Variants in MGAT5 observed in about 807,000 individuals in gnomAD.
The protein encoded by MGAT5 is alpha-1,6-mannosylglycoprotein 6-beta-N-acetylglucosaminyltransferase.
A neutral mutation model predicts 94.3 loss-of-function variants in MGAT5; 30 were observed. The ratio of observed to expected loss-of-function variants is 0.32; its 90% CI spans 0.24 to 0.43. The LOEUF is 0.43. Ranked by LOEUF, MGAT5 falls within the 20% of genes least tolerant of loss-of-function variation. The pLI, the probability that MGAT5 is intolerant of heterozygous loss-of-function variation, is 1.00. For synonymous variants in MGAT5, 310 were observed against 322.9 expected (o/e 0.96, Z 0.43); for missense variants, 691 against 905.5 (o/e 0.76, Z 3.04).
chr2:134,179,224 A>T (rs1170905722), intron 1 of MGAT5, among the ~76,000 whole-genome samples: 2 of 147,952 alleles, frequency 1.4e-5, no homozygotes, highest in African/African-American at 2.4e-5. Flanking sequence ...GCCCCCAAGC[A>T]TAGTGCTGAG....
chr2:134,245,607 C>G (rs1277355874), intron 1 of MGAT5, among the ~76,000 whole-genome samples: 2 of 152,170 alleles, frequency 1.3e-5, no homozygotes, highest in African/African-American at 4.8e-5. Context: ...CTGTCCCTTC[C>G]TCCTCTGCTT....
chr2:134,443,749 T>C (rs1176946402), intron 15 of MGAT5, among the ~76,000 whole-genome samples: 1 of 152,222 alleles, frequency 6.6e-6, no homozygotes, highest in Non-Finnish European at 1.5e-5. Context: ...TGCGCTCCTT[T>C]TGCATATAGC....
chr2:134,433,047 C>T (rs972031066), intron 14 of MGAT5, among the ~76,000 whole-genome samples: 2 of 152,140 alleles, frequency 1.3e-5, no homozygotes, highest in East Asian at 1.9e-4. Context: ...GCAGCATTTC[C>T]GTCACCCCAA....
chr2:134,234,488 C>T (rs1330950281), intron 1 of MGAT5, among the ~76,000 whole-genome samples: 1 of 152,220 alleles, frequency 6.6e-6, no homozygotes, highest in Non-Finnish European at 1.5e-5. Context: ...ATACATAAGA[C>T]ACAGCAATGT....
At chr2:134,440,850 C>T (rs546456586) in intron 14 of MGAT5, among the ~76,000 whole-genome samples, 2 of 152,304 alleles carry the variant, frequency 1.3e-5, no homozygotes, top group South Asian at 4.1e-4. Context: ...ACTGCCGTCA[C>T]TCACTGATTC....
chr2:134,270,674 G>T, intron 2 of MGAT5, 124 bp downstream of exon 2: 1 of 964,916 alleles, frequency 1.0e-6, no homozygotes, highest in Non-Finnish European at 1.5e-6. Flanking sequence ...ACTTGGCATG[G>T]CCATTGTAAA....
At chr2:134,269,067 C>T (rs972951246) in intron 1 of MGAT5, among the ~76,000 whole-genome samples, 1 of 152,190 alleles carries the variant, frequency 6.6e-6, no homozygotes, top group African/African-American at 2.4e-5. Flanking sequence ...TCACATCTAC[C>T]TCATGGGGAG....
At chr2:134,364,185 A>C (rs1680271575) in intron 10 of MGAT5, among the ~76,000 whole-genome samples, 1 of 152,204 alleles carries the variant, frequency 6.6e-6, no homozygotes, top group South Asian at 2.1e-4. Context: ...TGCCACTAAA[A>C]GGGTGACTTT....
In MGAT5 at chr2:134,378,219, T is replaced by A. The variant is rs1174611664; in HGVS notation, c.1380+15811T>A. Reference sequence around the variant, plus strand: ...TTTTATATCTGGTTCCCGGGAAACTTCTTCTACAGCATCAGGATCCTGCCG... The same window carrying A: ...TTTTATATCTGGTTCCCGGGAAACTACTTCTACAGCATCAGGATCCTGCCG... On this transcript the variant is annotated intron_variant, in intron 10 of 15. Coordinates refer to ENST00000281923, the MANE Select transcript of MGAT5 (RefSeq NM_002410.5). Among the ~76,000 whole-genome samples the A allele has an allele frequency of 2.6e-5, 4 of 152,152 alleles. No individual in the cohort carries two copies. In the East Asian group the frequency reaches 5.8e-4, roughly 22 times the overall value.
intron 2 of MGAT5, among the ~76,000 whole-genome samples, chr2:134,309,984 T>C (rs151059884): frequency 3.3e-5 from 5 of 152,350 alleles, no homozygotes; most frequent in African/African-American, 1.2e-4. Context: ...ATCTTGGCAG[T>C]GTGTTTTCAT....
intron 10 of MGAT5, among the ~76,000 whole-genome samples, chr2:134,394,332 T>C (rs1682582978): frequency 6.6e-6 from 1 of 152,188 alleles, no homozygotes; most frequent in Non-Finnish European, 1.5e-5. Flanking sequence ...TTGCTTCATA[T>C]GAAAAAAAAC....
chr2:134,303,200 G>A (rs139839816), intron 2 of MGAT5, among the ~76,000 whole-genome samples: 1,541 of 152,088 alleles, frequency 0.01, 19 homozygotes, highest in African/African-American at 0.027. Flanking sequence ...ACTGATGACC[G>A]TTTTTCCTTT....
At chr2:134,419,328 G>T (rs1272128242) in intron 12 of MGAT5, among the ~76,000 whole-genome samples, 1 of 152,072 alleles carries the variant, frequency 6.6e-6, no homozygotes, top group Non-Finnish European at 1.5e-5. Flanking sequence ...GCTGGTTCAG[G>T]TTATGTTTTA....
At chr2:134,182,914 G>A (rs7592622) in intron 1 of MGAT5, among the ~76,000 whole-genome samples, 23,351 of 150,470 alleles carry the variant, frequency 0.16, 1,977 homozygotes, top group African/African-American at 0.21. Flanking sequence ...AGCCTCCCGA[G>A]TAGCTGTGAC....
chr2:134,134,550 G>A (rs1686320606), intron 1 of MGAT5, among the ~76,000 whole-genome samples: 1 of 152,322 alleles, frequency 6.6e-6, no homozygotes, highest in East Asian at 1.9e-4. Flanking sequence ...ACACAATAAG[G>A]CTGATCTTTC....
intron 1 of MGAT5, among the ~76,000 whole-genome samples, chr2:134,180,191 G>A (rs4954115): frequency 0.28 from 42,011 of 152,146 alleles, 8,051 homozygotes; most frequent in African/African-American, 0.53. Flanking sequence ...AGCAGCCCAT[G>A]CTGCCGCTCT....
intron 10 of MGAT5, among the ~76,000 whole-genome samples, chr2:134,369,604 C>G (rs1008313243): frequency 6.6e-6 from 1 of 152,060 alleles, no homozygotes; most frequent in Non-Finnish European, 1.5e-5. Context: ...ATATAAAACT[C>G]TAGAAAATGC....
intron 2 of MGAT5, among the ~76,000 whole-genome samples, chr2:134,312,907 A>C (rs566364392): frequency 6.6e-6 from 1 of 151,914 alleles, no homozygotes; most frequent in African/African-American, 2.4e-5. Flanking sequence ...TCCCCCATCC[A>C]TTTCTTTTCC....
rs1226241195 is a variant in MGAT5, at chr2:134,449,478, GC to G, written c.*633del. The G allele has an allele frequency of 6.5e-6, 1 of 154,008 alleles. No individual in the cohort carries two copies. Among genetic ancestry groups the G allele is most frequent in the African/African-American group, 2.4e-5 (1 of 41,440 alleles). 9.5% of individuals were successfully genotyped at this position (154,008 alleles called of 1,614,324 possible). ...AAGAAACTTTTGCTTTGGAAGCACA[GC>G]CAAACTCCCCAGGGCATCGTCATAG... On this transcript the variant is annotated 3_prime_UTR_variant, in exon 16 of 16. Coordinates refer to ENST00000281923, the MANE Select transcript of MGAT5 (RefSeq NM_002410.5).
Sources: gnomAD v4.1 joint callset for allele counts (sites outside exome capture counted in the v4.1 genomes callset) on GRCh38, gnomAD v4.1.1 for gene constraint, MANE v1.5 for transcripts, NCBI Gene and HGNC (gene_info 2026-07-23, HGNC 2026-07-21) for gene names.